Variants in ANKS1A observed in about 807,000 individuals in gnomAD.
ANKS1A encodes ankyrin repeat and SAM domain-containing protein 1A.
Under a neutral mutation model 120.3 loss-of-function variants are expected in ANKS1A, and 55 were observed. The ratio of observed to expected loss-of-function variants is 0.46; its 90% CI spans 0.37 to 0.57. The LOEUF (loss-of-function observed/expected upper bound fraction) is 0.57, where lower values mean the gene tolerates loss of function less well. ANKS1A is among the 20% of genes least tolerant of loss of function. ANKS1A has a pLI of 0.00. For synonymous variants in ANKS1A, 590 were observed against 604.7 expected (o/e 0.98, Z 0.36); for missense variants, 1,123 against 1,480.3 (o/e 0.76, Z 3.96).
At chr6:35,000,670 T>G (rs1773119327) in intron 10 of ANKS1A, among the ~76,000 whole-genome samples, 3 of 152,200 alleles carry the variant, frequency 2.0e-5, no homozygotes, top group South Asian at 4.1e-4. Flanking sequence ...ATAAAAAAAT[T>G]TATGCAAAAA....
In ANKS1A at chr6:35,060,130, G is replaced by A. The variant is rs1458594393; in HGVS notation, c.2078-17G>A. The A allele has an allele frequency of 2.5e-6, 4 of 1,607,332 alleles. No individual in the cohort carries two copies. Among genetic ancestry groups the A allele is most frequent in the South Asian group, 2.2e-5 (2 of 90,096 alleles). ...GTTTTTCCCTTTTCAAGCGTCTGCC[G>A]ATTCCTCTCTCATCAGGTTTACGGA... On this transcript the variant is annotated splice_polypyrimidine_tract_variant and intron_variant, in intron 12 of 23. Transcript: ENST00000360359. This position sits in a 1 kb window ranked among gnomAD's most constrained non-coding sequence, Gnocchi z 4.5.
At chr6:35,070,935 C>G (rs1017847992) in intron 13 of ANKS1A, 5 of 640,626 alleles carry the variant, frequency 7.8e-6, no homozygotes, top group Admixed American at 1.9e-5. Context: ...TAGTCCTTAA[C>G]TACTACACAA....
chr6:34,918,054 C>T (rs952653313), intron 1 of ANKS1A, among the ~76,000 whole-genome samples: 1 of 152,200 alleles, frequency 6.6e-6, no homozygotes, highest in Non-Finnish European at 1.5e-5. Flanking sequence ...GTTCTACCCT[C>T]TCTGCCGTGT....
chr6:34,947,177 G>A (rs565212650), intron 1 of ANKS1A, among the ~76,000 whole-genome samples: 2 of 124,100 alleles, frequency 1.6e-5, no homozygotes, highest in African/African-American at 6.5e-5. Context: ...ATGGAGTCTC[G>A]CTCTGTCATC....
intron 10 of ANKS1A, among the ~76,000 whole-genome samples, chr6:34,997,793 G>A (rs866681819): frequency 3.3e-5 from 5 of 152,180 alleles, no homozygotes; most frequent in Non-Finnish European, 7.3e-5. Context: ...TCATAAGTGG[G>A]GCTGGTGTCC....
downstream of ANKS1A, among the ~76,000 whole-genome samples, chr6:35,091,997 G>A (rs376695322): frequency 6.6e-6 from 1 of 152,304 alleles, no homozygotes; most frequent in Middle Eastern, 3.4e-3. Context: ...GGTCATAGCG[G>A]CCCCTTCACT....
At chr6:35,051,367 C>T (rs966917769) in intron 11 of ANKS1A, among the ~76,000 whole-genome samples, 1 of 152,158 alleles carries the variant, frequency 6.6e-6, no homozygotes, top group African/African-American at 2.4e-5. Flanking sequence ...ACAAATTGTA[C>T]CACCAACGGA....
At chr6:35,061,671 T>G (rs532927722) in intron 13 of ANKS1A, among the ~76,000 whole-genome samples, 2 of 152,358 alleles carry the variant, frequency 1.3e-5, no homozygotes, top group Non-Finnish European at 2.9e-5. Context: ...GACAGTTAAT[T>G]TTCAGCTTTT....
At chr6:34,999,750 G>A (rs936761441) in intron 10 of ANKS1A, among the ~76,000 whole-genome samples, 6 of 152,084 alleles carry the variant, frequency 3.9e-5, no homozygotes, top group African/African-American at 1.4e-4. Context: ...AGTTACAGCT[G>A]GTTTTAGACC....
chr6:35,021,173 C>G (rs1561919107), intron 11 of ANKS1A, among the ~76,000 whole-genome samples: 1 of 152,240 alleles, frequency 6.6e-6, no homozygotes, highest in East Asian at 1.9e-4. Context: ...GGCTGCTCCC[C>G]ACCCTATCCC....
rs754871030 is a variant in ANKS1A, at chr6:35,087,011, G to A, written c.3363G>A (p.Val1121=). 2 of 1,614,174 alleles carry A rather than the reference G, an allele frequency of 1.2e-6. No individual in the cohort carries two copies. Among genetic ancestry groups the A allele is most frequent in the South Asian group, 2.2e-5 (2 of 91,086 alleles). ...AQSHASVSWV[V]DPKPDSKRSL... is the part of the protein sequence containing the mutation. ...CCCATGCCAGTGTCTCCTGGGTTGT[G>A]GACCCCAAACCAGACTCTAAGCGGA... The change falls in exon 23 of 24, where the codon GTG becomes GTA. Residue 1121 remains valine, a synonymous_variant. Coordinates refer to ENST00000360359, the MANE Select transcript of ANKS1A (RefSeq NM_015245.3).
chr6:34,969,609 A>G (rs1001877944), intron 2 of ANKS1A, among the ~76,000 whole-genome samples: 16 of 152,168 alleles, frequency 1.1e-4, no homozygotes, highest in African/African-American at 3.1e-4. Context: ...ACATCACTAA[A>G]TGCTCTGAAT....
At chr6:35,021,503 T>C (rs774617952) in intron 11 of ANKS1A, among the ~76,000 whole-genome samples, 1 of 152,242 alleles carries the variant, frequency 6.6e-6, no homozygotes, top group Admixed American at 6.5e-5. Flanking sequence ...TTATTATTCT[T>C]ATTTGTGAAA....
intron 1 of ANKS1A, among the ~76,000 whole-genome samples, chr6:34,904,689 G>C (rs1767549942): frequency 6.6e-6 from 1 of 152,300 alleles, no homozygotes; most frequent in East Asian, 1.9e-4. Flanking sequence ...CTGATATTTC[G>C]CCACTGCACT....
At chr6:34,929,804 CT>C in intron 1 of ANKS1A, among the ~76,000 whole-genome samples, 1 of 130,502 alleles carries the variant, frequency 7.7e-6, no homozygotes, top group East Asian at 2.1e-4. Context: ...TTCCTTCCTC[CT>C]TCTCTCTCTC....
intron 11 of ANKS1A, among the ~76,000 whole-genome samples, chr6:35,018,610 T>C (rs967357706): frequency 1.3e-5 from 2 of 152,116 alleles, no homozygotes; most frequent in African/African-American, 4.8e-5. Flanking sequence ...TGCATGATGC[T>C]GAGGTTTGGG....
rs201602442 is a variant in ANKS1A at position 34,902,246 on chromosome 6, G to T, written c.197+12647G>T. Among the ~76,000 whole-genome samples the T allele has an allele frequency of 2.8e-4, 43 of 151,728 alleles. No individual in the cohort carries two copies. The East Asian group carries it at 7.8e-3, about 27-fold the overall frequency. ...TTTAAGGTTTAAGTTTTTCTTTTTT[G>T]TTTCTTTTTTTTTTCTTTTTGAGAC... On this transcript the variant is annotated intron_variant, in intron 1 of 23. Coordinates refer to ENST00000360359, the MANE Select transcript of ANKS1A (RefSeq NM_015245.3).
intron 11 of ANKS1A, among the ~76,000 whole-genome samples, chr6:35,042,793 G>A (rs1775533007): frequency 6.6e-6 from 1 of 152,228 alleles, no homozygotes. Flanking sequence ...CTGTTTACAG[G>A]TGAGGGTTAC....
intron 1 of ANKS1A, among the ~76,000 whole-genome samples, chr6:34,932,242 T>A (rs1455686289): frequency 1.3e-5 from 2 of 152,238 alleles, no homozygotes; most frequent in African/African-American, 4.8e-5. Context: ...TGGAGTACAG[T>A]GGTGTGCGTC....
Sources: gnomAD v4.1 joint callset for allele counts (sites outside exome capture counted in the v4.1 genomes callset) on GRCh38, gnomAD v4.1.1 for gene constraint, Gnocchi (gnomAD v3.1) non-coding constraint, MANE v1.5 for transcripts, NCBI Gene and HGNC (gene_info 2026-07-23, HGNC 2026-07-21) for gene names.